Variants in SERPINE2 observed in about 807,000 individuals in gnomAD.
SERPINE2 encodes the protein serpin family E member 2.
In SERPINE2, 14 loss-of-function variants were observed where a neutral mutation model predicts 36.3. The observed-to-expected ratio is 0.39, with a 90% CI of 0.25 to 0.60. The LOEUF (loss-of-function observed/expected upper bound fraction) is 0.60, where lower values mean the gene tolerates loss of function less well. Ranked by LOEUF, SERPINE2 falls within the 20% of genes least tolerant of loss-of-function variation. The probability of loss-of-function intolerance (pLI) is 0.57; values close to 1 mark genes in which losing one functional copy is unlikely to be tolerated. For missense variants in SERPINE2, 418 were observed against 499.6 expected (o/e 0.84, Z 1.56); for synonymous variants, 192 against 191.8 (o/e 1.00, Z -0.01).
At chr2:223,982,592 C>G in intron 6 of SERPINE2, 89 bp downstream of exon 6, 1 of 770,238 alleles carries the variant, frequency 1.3e-6, no homozygotes, top group Non-Finnish European at 2.1e-6. Flanking sequence ...GCAACACATT[C>G]CTAATTCTGA....
chr2:223,987,559 C>A (rs976360686), intron 4 of SERPINE2, among the ~76,000 whole-genome samples: 1 of 152,014 alleles, frequency 6.6e-6, no homozygotes, highest in African/African-American at 2.4e-5. Context: ...TGTATAAAAA[C>A]GTAAGTATAA....
intron 1 of SERPINE2, among the ~76,000 whole-genome samples, chr2:224,033,153 C>T (rs760292932): frequency 6.6e-5 from 10 of 152,114 alleles, no homozygotes; most frequent in African/African-American, 9.7e-5. Context: ...TCAGATTAGG[C>T]GTGCAATCTA....
At chr2:224,023,190 T>C (rs1430833957) in intron 1 of SERPINE2, among the ~76,000 whole-genome samples, 2 of 152,238 alleles carry the variant, frequency 1.3e-5, no homozygotes, top group African/African-American at 4.8e-5. Context: ...GGAAAGTCCT[T>C]ATTGGTCAGA....
intron 1 of SERPINE2, among the ~76,000 whole-genome samples, chr2:224,035,959 C>T (rs1389083557): frequency 6.6e-6 from 1 of 150,554 alleles, no homozygotes; most frequent in Non-Finnish European, 1.5e-5. Context: ...GAGACCCCTG[C>T]TCCAACATCT....
intron 1 of SERPINE2, among the ~76,000 whole-genome samples, chr2:224,032,293 ACT>A (rs1692405760): frequency 6.6e-6 from 1 of 152,098 alleles, no homozygotes; most frequent in African/African-American, 2.4e-5. Flanking sequence ...TTGGCATTAA[ACT>A]CTTTCACATA....
chr2:223,993,560 ATG>A, intron 3 of SERPINE2, among the ~76,000 whole-genome samples: 1 of 111,662 alleles, frequency 9.0e-6, no homozygotes, highest in East Asian at 2.5e-4. Context: ...GTGTGTGTGT[ATG>A]TGTGTATGTG....
At chr2:223,986,184 T>A (rs1195631516) in intron 4 of SERPINE2, among the ~76,000 whole-genome samples, 1 of 152,110 alleles carries the variant, frequency 6.6e-6, no homozygotes, top group Admixed American at 6.5e-5. Flanking sequence ...TGAAATATCA[T>A]AAAAATACTG....
intron 4 of SERPINE2, chr2:223,985,216 C>A (rs1690379611): frequency 2.1e-6 from 1 of 473,414 alleles, no homozygotes; most frequent in Non-Finnish European, 3.8e-6. Flanking sequence ...AACTAAATCA[C>A]AAAGTGCTTA....
chr2:224,020,157 A>G (rs989568731), intron 1 of SERPINE2, among the ~76,000 whole-genome samples: 1 of 152,238 alleles, frequency 6.6e-6, no homozygotes, highest in African/African-American at 2.4e-5. Context: ...TTTAGTGGGA[A>G]CATGCATTCC....
intron 1 of SERPINE2, among the ~76,000 whole-genome samples, chr2:224,004,134 C>A (rs574012722): frequency 6.6e-6 from 1 of 152,162 alleles, no homozygotes; most frequent in Admixed American, 6.5e-5. Flanking sequence ...ATCACAACAG[C>A]GTTTATGGAG....
intron 5 of SERPINE2, 39 bp from the exon 6 acceptor site, chr2:223,982,820 GC>G: frequency 7.1e-7 from 1 of 1,415,938 alleles, no homozygotes; most frequent in Admixed American, 1.8e-5. Context: ...AAATCACGAG[GC>G]TATAAATGCT....
rs755560613 is a variant in SERPINE2 at position 223,984,848 on chromosome 2, G to A, written c.788C>T (p.Thr263Ile). 1.2e-6 allele frequency: 2 copies of A among 1,614,076 alleles called. No individual in the cohort carries two copies. Among genetic ancestry groups the A allele is most frequent in the African/African-American group, 2.7e-5 (2 of 74,950 alleles). ...MLIALPTESS[T>I]PLSAIIPHIS... ...GTGTGGGATGATGGCAGACAGCGGAGTGGAGCTCTCAGTCGGCAGTGCAAT... is the reference window on the plus strand; with the variant it reads ...GTGTGGGATGATGGCAGACAGCGGAATGGAGCTCTCAGTCGGCAGTGCAAT... The change falls in exon 5 of 9, where the codon ACT becomes ATT. Residue 263 changes from threonine (T) to isoleucine (I), a missense_variant. Thr to Ile is a moderately conservative substitution (Grantham distance 89, BLOSUM62 -1). Transcript: ENST00000409304.
chr2:224,018,450 T>C (rs1455732735), intron 1 of SERPINE2, among the ~76,000 whole-genome samples: 2 of 152,144 alleles, frequency 1.3e-5, no homozygotes, highest in African/African-American at 4.8e-5. Flanking sequence ...TAGAAAATGC[T>C]TGATCATTGC....
intron 1 of SERPINE2, chr2:224,031,550 G>A (rs1692369950): frequency 2.1e-6 from 2 of 971,610 alleles, no homozygotes; most frequent in African/African-American, 1.8e-5. Context: ...TACACGGAAG[G>A]GCATGTGACC....
chr2:223,990,120 C>T (rs1252739219), intron 4 of SERPINE2, among the ~76,000 whole-genome samples: 1 of 152,066 alleles, frequency 6.6e-6, no homozygotes, highest in African/African-American at 2.4e-5. Flanking sequence ...TACCCTGACC[C>T]CTTTCTCCTC....
At chr2:224,000,197 C>A (rs772403885) in intron 2 of SERPINE2, among the ~76,000 whole-genome samples, 6 of 152,150 alleles carry the variant, frequency 3.9e-5, no homozygotes, top group Non-Finnish European at 7.4e-5. Context: ...AGAACACGGG[C>A]AGGAAGACTC....
chr2:224,021,399 A>AGG (rs1691994576), intron 1 of SERPINE2, among the ~76,000 whole-genome samples: 2 of 152,212 alleles, frequency 1.3e-5, no homozygotes, highest in Admixed American at 6.5e-5. Flanking sequence ...CTACATCAAG[A>AGG]GGGAAGCACA....
chr2:224,031,795 T>G (rs1692390265), intron 1 of SERPINE2, among the ~76,000 whole-genome samples: 1 of 83,386 alleles, frequency 1.2e-5, no homozygotes, highest in Non-Finnish European at 2.2e-5. Flanking sequence ...GAAAAGCCCC[T>G]CTTTCCTCCT....
chr2:224,013,477 AGAG>A (rs1425427908), intron 1 of SERPINE2, among the ~76,000 whole-genome samples: 1 of 152,198 alleles, frequency 6.6e-6, no homozygotes, highest in Non-Finnish European at 1.5e-5. Context: ...TTCACGAGGA[AGAG>A]GAGGGAAGCA....
Sources: gnomAD v4.1 joint callset for allele counts (sites outside exome capture counted in the v4.1 genomes callset) on GRCh38, gnomAD v4.1.1 for gene constraint, MANE v1.5 for transcripts, NCBI Gene and HGNC (gene_info 2026-07-23, HGNC 2026-07-21) for gene names.